ABI2: variants seen among roughly 807,000 people sequenced by gnomAD.
The protein encoded by ABI2 is abelson interactor 2.
In ABI2, 25 loss-of-function variants were observed where a neutral mutation model predicts 59.2. That is an observed-to-expected ratio of 0.42 (90% confidence interval 0.31 to 0.59). The LOEUF is 0.59. Among genes scored for constraint, ABI2 ranks in the 20% least tolerant of loss-of-function variants. The pLI is 0.14. For missense variants in ABI2, 545 were observed against 681.8 expected (o/e 0.80, Z 2.23); for synonymous variants, 213 against 235.5 (o/e 0.90, Z 0.87).
intron 1 of ABI2, among the ~76,000 whole-genome samples, chr2:203,344,562 T>TTG (rs1169433443): frequency 4.7e-4 from 3 of 6,386 alleles, no homozygotes; most frequent in East Asian, 7.2e-3. Context: ...GTTGTTGTTG[T>TTG]TTTTGTTTTT....
At position 203,394,740 on chromosome 2, in the gene ABI2, C is replaced by G; in HGVS notation, c.619C>G (p.Pro207Ala). 1 of 1,614,112 alleles carries G rather than the reference C, an allele frequency of 6.2e-7. No homozygotes were observed. Among genetic ancestry groups the G allele is most frequent in the East Asian group, 2.2e-5 (1 of 44,878 alleles). Reference sequence around the variant, plus strand: ...TCGCACACTGGAGCCAGTGCGTCCTCCAGTGGTACCAAATGATTACGTACC... The same window carrying G: ...TCGCACACTGGAGCCAGTGCGTCCTGCAGTGGTACCAAATGATTACGTACC... ...PYRTLEPVRP[P>A]VVPNDYVPSP... is the part of the protein sequence containing the mutation. The change falls in exon 6 of 12, where the codon CCA (proline) becomes GCA (alanine). Residue 207 changes from proline (P) to alanine (A), a missense_variant. This residue lies in a region of ABI2 where 410 missense variants were observed against 435.6 expected (regional missense o/e 0.94). Transcript: ENST00000261018.
At chr2:203,355,160 C>T (rs760725446) in intron 1 of ABI2, 20 of 393,434 alleles carry the variant, frequency 5.1e-5, no homozygotes, top group African/African-American at 1.0e-4. Context: ...CTAGGCTTTC[C>T]GTTTTGACAG....
chr2:203,394,675 A>C (rs367846935), intron 5 of ABI2, 25 bp from the exon 6 acceptor site: 23 of 1,601,920 alleles, frequency 1.4e-5, no homozygotes, highest in Non-Finnish European at 1.8e-5. Context: ...TTAATCATAC[A>C]ATACATACGC....
At chr2:203,395,167 C>T (rs1426862383) in intron 6 of ABI2, 2 of 695,302 alleles carry the variant, frequency 2.9e-6, no homozygotes, top group East Asian at 2.7e-5. Flanking sequence ...AAAAACTATA[C>T]ATAATAAAAC....
intron 1 of ABI2, among the ~76,000 whole-genome samples, chr2:203,354,291 G>A (rs1264942191): frequency 5.3e-5 from 8 of 151,980 alleles, no homozygotes; most frequent in Admixed American, 3.9e-4. Context: ...TGATCTTCTC[G>A]CCTCAGCCTC....
chr2:203,387,963 A>C (rs1032512384), intron 4 of ABI2, among the ~76,000 whole-genome samples: 1 of 152,096 alleles, frequency 6.6e-6, no homozygotes, highest in Non-Finnish European at 1.5e-5. Context: ...TTTTTTTAGG[A>C]TCAATCATGA....
At chr2:203,332,020 G>A (rs567872052) in intron 1 of ABI2, among the ~76,000 whole-genome samples, 1 of 151,546 alleles carries the variant, frequency 6.6e-6, no homozygotes, top group East Asian at 2.0e-4. Context: ...ATGTTGGCCA[G>A]GCTAGTCTCA....
intron 1 of ABI2, among the ~76,000 whole-genome samples, chr2:203,350,774 A>G (rs1438749590): frequency 1.3e-5 from 2 of 151,432 alleles, no homozygotes; most frequent in Admixed American, 6.6e-5. Context: ...TCCTGACCTC[A>G]TGATCCACCC....
chr2:203,366,363 T>C (rs1329483363), intron 1 of ABI2, among the ~76,000 whole-genome samples: 1 of 152,152 alleles, frequency 6.6e-6, no homozygotes, highest in Non-Finnish European at 1.5e-5. Context: ...ATGATTATTA[T>C]TACCATTTTA....
At chr2:203,380,406 C>T (rs752632496) in intron 3 of ABI2, 22 bp downstream of exon 3, 1 of 1,467,058 alleles carries the variant, frequency 6.8e-7, no homozygotes, top group Non-Finnish European at 9.1e-7. Flanking sequence ...TTTTTTCAAG[C>T]TTTTAAAAGT....
At chr2:203,331,431 T>C (rs944119723) in intron 1 of ABI2, among the ~76,000 whole-genome samples, 22 of 144,656 alleles carry the variant, frequency 1.5e-4, no homozygotes, top group Non-Finnish European at 2.6e-4. Flanking sequence ...CGATCTCTGC[T>C]CACTGCAACC....
At chr2:203,349,302 GATTA>G (rs2086040018) in intron 1 of ABI2, among the ~76,000 whole-genome samples, 1 of 152,054 alleles carries the variant, frequency 6.6e-6, no homozygotes, top group Non-Finnish European at 1.5e-5. Context: ...ATGTTTTCCT[GATTA>G]ATCACAAAAT....
chr2:203,394,639 T>A, intron 5 of ABI2, 61 bp from the exon 6 acceptor site: 1 of 1,531,352 alleles, frequency 6.5e-7, no homozygotes, highest in Non-Finnish European at 8.9e-7. Context: ...CTGGCAACTC[T>A]TTGAATTTAT....
chr2:203,425,772 A>G (rs1464170142), intron 11 of ABI2, among the ~76,000 whole-genome samples: 1 of 152,198 alleles, frequency 6.6e-6, no homozygotes, highest in East Asian at 1.9e-4. Flanking sequence ...CTGTAATCCC[A>G]GCACTTTGGG....
intron 1 of ABI2, among the ~76,000 whole-genome samples, chr2:203,364,676 A>G (rs1285996985): frequency 2.0e-5 from 3 of 152,130 alleles, no homozygotes; most frequent in South Asian, 2.1e-4. Flanking sequence ...ATAGTTGACT[A>G]GGATAGAATA....
chr2:203,395,448 T>TATATATATATATATATAC lies in ABI2; in HGVS notation c.726-207_726-206insTATATATATATATATACA, dbSNP rs750379504. On this transcript the variant is annotated intron_variant, in intron 6 of 11. Coordinates refer to ENST00000261018, the MANE Select transcript of ABI2 (RefSeq NM_001375670.1). ...TAATAAGTAAATATATATATATATA[T>TATATATATATATATATAC]ACACACACACACACACACACACACA... Among the ~76,000 whole-genome samples, 33 of 115,312 alleles carry TATATATATATATATATAC rather than the reference T, an allele frequency of 2.9e-4. 1 individual carries two copies. The highest frequency in any genetic ancestry group is 7.1e-4 in the Admixed American group (7 of 9,818). 75.6% of individuals were successfully genotyped at this position (115,312 alleles called of 152,430 possible).
chr2:203,379,318 G>A (rs1366021179), intron 2 of ABI2, among the ~76,000 whole-genome samples: 1 of 152,136 alleles, frequency 6.6e-6, no homozygotes, highest in Non-Finnish European at 1.5e-5. Context: ...TGCATTCATG[G>A]CTCACTGCAG....
chr2:203,405,860 C>T (rs2153469162), intron 9 of ABI2, among the ~76,000 whole-genome samples: 1 of 152,114 alleles, frequency 6.6e-6, no homozygotes, highest in Non-Finnish European at 1.5e-5. Context: ...TGTTAATGTA[C>T]AATTTGATCT....
intron 11 of ABI2, among the ~76,000 whole-genome samples, chr2:203,425,402 CA>C (rs1440189844): frequency 6.6e-6 from 1 of 151,956 alleles, no homozygotes; most frequent in Non-Finnish European, 1.5e-5. Context: ...GGGGTTTCAC[CA>C]TGTTGGCCAG....
Sources: gnomAD v4.1 joint callset for allele counts (sites outside exome capture counted in the v4.1 genomes callset) on GRCh38, gnomAD v4.1.1 for gene constraint, gnomAD v4.1.1 regional missense constraint, MANE v1.5 for transcripts, NCBI Gene and HGNC (gene_info 2026-07-23, HGNC 2026-07-21) for gene names.